Variants in RPS6KA6 observed in about 807,000 individuals in gnomAD.
The protein encoded by RPS6KA6 is ribosomal protein S6 kinase alpha-6.
RPS6KA6 carries 27 observed loss-of-function variants against 65.4 expected under a neutral mutation model. That is an observed-to-expected ratio of 0.41 (90% CI 0.30 to 0.57). The LOEUF (loss-of-function observed/expected upper bound fraction) is 0.57. Among genes scored for constraint, RPS6KA6 ranks in the 20% least tolerant of loss-of-function variants. RPS6KA6 has a pLI of 0.24. For synonymous variants in RPS6KA6, 190 were observed against 184.2 expected (o/e 1.03, Z -0.26); for missense variants, 486 against 555.6 (o/e 0.87, Z 1.26).
Position 84,064,271 on chromosome X carries a change from CA to C in RPS6KA6, c.*5del, listed in dbSNP as rs761036489. The C allele has an allele frequency of 1.3e-3, 1,546 of 1,204,545 alleles. 5 individuals are homozygous for C. The Middle Eastern group carries it at 0.014, about 11-fold the overall frequency. On this transcript the variant is annotated 3_prime_UTR_variant, in exon 22 of 22. Transcript: ENST00000262752. ...CATCCAGTTTGGCCTAGGAACACCA[CA>C]AATCTTACAGGCCAGTTGATGTTCG...
intron 20 of RPS6KA6, among the ~76,000 whole-genome samples, chrX:84,073,069 C>T (rs1283286887): frequency 9.0e-6 from 1 of 111,451 alleles, no homozygotes; most frequent in African/African-American, 3.3e-5. Flanking sequence ...CTCCAAATAG[C>T]CAAAGTCATT....
intron 1 of RPS6KA6, among the ~76,000 whole-genome samples, chrX:84,181,112 T>A (rs767327027): frequency 4.5e-5 from 5 of 111,834 alleles, no homozygotes; most frequent in African/African-American, 1.6e-4. Flanking sequence ...AAATTTGTAT[T>A]GGGTGTTTAA....
intron 2 of RPS6KA6, among the ~76,000 whole-genome samples, chrX:84,158,920 A>ATT (rs1012545552): frequency 1.8e-5 from 2 of 111,460 alleles, no homozygotes; most frequent in African/African-American, 6.5e-5. Flanking sequence ...AAGCATGTGT[A>ATT]TTTTTTAAGC....
chrX:84,114,467 G>A (rs978129119), intron 12 of RPS6KA6, among the ~76,000 whole-genome samples: 1 of 110,746 alleles, frequency 9.0e-6, no homozygotes, highest in African/African-American at 3.3e-5. Flanking sequence ...CAGCCTGGGT[G>A]ACAGAGAGAG....
At chrX:84,135,729 A>G (rs2147516071) in intron 6 of RPS6KA6, among the ~76,000 whole-genome samples, 1 of 111,581 alleles carries the variant, frequency 9.0e-6, no homozygotes, top group Non-Finnish European at 1.9e-5. Flanking sequence ...CACTGCCACA[A>G]GTTGTTAAAT....
At chrX:84,090,760 T>C (rs902596412) in intron 20 of RPS6KA6, among the ~76,000 whole-genome samples, 3 of 111,659 alleles carry the variant, frequency 2.7e-5, no homozygotes, top group African/African-American at 9.8e-5. Flanking sequence ...CACATGGGGA[T>C]TATGGGGATT....
At chrX:84,111,501 A>T (rs184125660) in intron 12 of RPS6KA6, among the ~76,000 whole-genome samples, 93 of 112,098 alleles carry the variant, frequency 8.3e-4, no homozygotes, top group African/African-American at 2.9e-3. Context: ...TCTCAGCAGA[A>T]ATTTTAACAA....
In RPS6KA6 at chrX:84,059,119, T is replaced by C. The variant is rs1435811183; in HGVS notation, c.*5158A>G. 6.4e-5 allele frequency: 4 copies of C among 62,678 alleles called. No homozygotes were observed. Among genetic ancestry groups the C allele is most frequent in the Admixed American group, 1.9e-4 (1 of 5,220 alleles). 5.2% of individuals were successfully genotyped at this position (62,678 alleles called of 1,213,427 possible). A position where few individuals can be genotyped will look rare whatever the true frequency, so the allele number is the denominator to read the frequency against. ...TTTAAATGGCTGTTTCTTTTCTTTT[T>C]TTTTTTTTTTTTTTTTTTTTTTTTT... is the stretch of plus-strand genomic sequence containing the variant. On this transcript the variant is annotated 3_prime_UTR_variant, in exon 22 of 22. Coordinates refer to ENST00000262752, the MANE Select transcript of RPS6KA6 (RefSeq NM_014496.5).
chrX:84,074,679 A>C (rs1489153075), intron 20 of RPS6KA6, among the ~76,000 whole-genome samples: 1 of 111,555 alleles, frequency 9.0e-6, no homozygotes, highest in Non-Finnish European at 1.9e-5. Flanking sequence ...CTTAAGAAAA[A>C]CAAATTTGAC....
chrX:84,114,369 C>G (rs2034525690), intron 12 of RPS6KA6, among the ~76,000 whole-genome samples: 1 of 109,829 alleles, frequency 9.1e-6, no homozygotes, highest in Non-Finnish European at 1.9e-5. Context: ...ACACCTGTAT[C>G]CCCAGCTGCT....
intron 3 of RPS6KA6, among the ~76,000 whole-genome samples, chrX:84,151,467 T>A (rs1023991120): frequency 9.1e-6 from 1 of 110,303 alleles, no homozygotes; most frequent in Non-Finnish European, 1.9e-5. Context: ...AAAAAGAGTA[T>A]CAGTTGTTTT....
intron 6 of RPS6KA6, among the ~76,000 whole-genome samples, chrX:84,136,059 A>G (rs1397788220): frequency 9.0e-6 from 1 of 111,724 alleles, no homozygotes; most frequent in Non-Finnish European, 1.9e-5. Context: ...TGTAAACTTT[A>G]AAAAACTATA....
intron 8 of RPS6KA6, among the ~76,000 whole-genome samples, chrX:84,127,479 A>G (rs1186255550): frequency 9.0e-6 from 1 of 111,593 alleles, no homozygotes; most frequent in African/African-American, 3.3e-5. Context: ...TGAGGCAAGT[A>G]TTACCCTGAT....
intron 19 of RPS6KA6, among the ~76,000 whole-genome samples, chrX:84,097,001 C>G (rs1362712602): frequency 9.0e-6 from 1 of 111,056 alleles, no homozygotes; most frequent in Non-Finnish European, 1.9e-5. Context: ...TAACACCAAG[C>G]CATTAAACAA....
In RPS6KA6 at chrX:84,106,426, C is replaced by T; in HGVS notation, c.1304G>A (p.Gly435Asp). The T allele has an allele frequency of 8.5e-7, 1 of 1,176,012 alleles. No homozygotes were observed. The highest frequency in any genetic ancestry group is 1.2e-6 in the Non-Finnish European group (1 of 866,316). ...GCATCGCTTGCAAACAGAGTAGGAG[C>T]CAACACCAATATCCTCCTTCAATTC... ...VYELKEDIGV[G>D]SYSVCKRCIH... Residue 435 changes from glycine (G) to aspartate (D), a missense_variant, in exon 15 of 22, where the codon GGC (glycine) becomes GAC (aspartate). Coordinates refer to ENST00000262752, the MANE Select transcript of RPS6KA6 (RefSeq NM_014496.5).
At chrX:84,112,769 A>G (rs2034491740) in intron 12 of RPS6KA6, among the ~76,000 whole-genome samples, 2 of 112,064 alleles carry the variant, frequency 1.8e-5, no homozygotes, top group South Asian at 7.3e-4. Context: ...GTAGAATAAC[A>G]AGAAAAACCA....
chrX:84,083,476 C>CA (rs2033848220), intron 20 of RPS6KA6, among the ~76,000 whole-genome samples: 1 of 112,192 alleles, frequency 8.9e-6, no homozygotes, highest in Non-Finnish European at 1.9e-5. Context: ...TGAGAATACT[C>CA]AGTGTCTGGC....
At chrX:84,174,163 T>C (rs1477761127) in intron 1 of RPS6KA6, among the ~76,000 whole-genome samples, 2 of 111,917 alleles carry the variant, frequency 1.8e-5, no homozygotes, top group Admixed American at 1.9e-4. Flanking sequence ...TTCAAAGGTT[T>C]ATTAATATCT....
At chrX:84,084,192 TGAA>T (rs749322748) in intron 20 of RPS6KA6, among the ~76,000 whole-genome samples, 2 of 112,672 alleles carry the variant, frequency 1.8e-5, no homozygotes, top group East Asian at 2.8e-4. Context: ...TCTTTTGCTG[TGAA>T]GAAGCTCTTT....
Sources: allele counts gnomAD v4.1 joint callset (sites outside exome capture counted in the v4.1 genomes callset), GRCh38; gene constraint gnomAD v4.1.1; transcripts MANE v1.5; gene names NCBI Gene and HGNC (gene_info 2026-07-23, HGNC 2026-07-21).